The following SLC25A26 variants were observed in gnomAD, a reference collection of about 807,000 sequenced individuals.
SLC25A26 encodes mitochondrial S-adenosylmethionine carrier protein.
In SLC25A26, 36 loss-of-function variants were observed where a neutral mutation model predicts 37.8. The ratio of observed to expected loss-of-function variants is 0.95; its 90% CI spans 0.73 to 1.26. The LOEUF (loss-of-function observed/expected upper bound fraction) is 1.26. Among genes scored for constraint, SLC25A26 ranks in the 50% most tolerant of loss-of-function variants. The pLI is 0.00. For synonymous variants in SLC25A26, 129 were observed against 122.5 expected (o/e 1.05, Z -0.35); for missense variants, 390 against 331.1 (o/e 1.18, Z -1.38).
chr3:66,226,014 C>A (rs1399803656), intron 1 of SLC25A26, among the ~76,000 whole-genome samples: 1 of 152,202 alleles, frequency 6.6e-6, no homozygotes, highest in African/African-American at 2.4e-5. Context: ...TCAAACTGTT[C>A]CAACCCCTGC....
chr3:66,366,298 AC>A (rs1361023098), intron 7 of SLC25A26, among the ~76,000 whole-genome samples: 1 of 152,206 alleles, frequency 6.6e-6, no homozygotes, highest in Non-Finnish European at 1.5e-5. Flanking sequence ...CTTAAATAAA[AC>A]GTAGAAAATA....
chr3:66,241,674 A>G (rs903887096), intron 2 of SLC25A26, among the ~76,000 whole-genome samples: 1 of 152,206 alleles, frequency 6.6e-6, no homozygotes, highest in African/African-American at 2.4e-5. Flanking sequence ...CAAGTTTGAA[A>G]GAATTGGACT....
chr3:66,245,652 C>T (rs908002983), intron 3 of SLC25A26, among the ~76,000 whole-genome samples: 1 of 152,146 alleles, frequency 6.6e-6, no homozygotes, highest in Non-Finnish European at 1.5e-5. Context: ...GTTTTTGATG[C>T]ACTTTTTTTC....
At chr3:66,283,304 A>G (rs2074406479) in intron 5 of SLC25A26, among the ~76,000 whole-genome samples, 1 of 152,084 alleles carries the variant, frequency 6.6e-6, no homozygotes, top group African/African-American at 2.4e-5. Context: ...TTTTCTTGAG[A>G]CAAGGTCTCA....
chr3:66,268,679 C>G (rs1220399683), intron 5 of SLC25A26, among the ~76,000 whole-genome samples: 1 of 152,122 alleles, frequency 6.6e-6, no homozygotes, highest in African/African-American at 2.4e-5. Flanking sequence ...TGAAGGACAC[C>G]TGATATGGTT....
At chr3:66,273,693 G>A (rs968439303) in intron 5 of SLC25A26, among the ~76,000 whole-genome samples, 1 of 152,052 alleles carries the variant, frequency 6.6e-6, no homozygotes, top group South Asian at 2.1e-4. Flanking sequence ...AGCTTACAAG[G>A]GACGTGAAGG....
chr3:66,352,707 G>T (rs1005430980), intron 6 of SLC25A26, among the ~76,000 whole-genome samples: 2 of 151,900 alleles, frequency 1.3e-5, no homozygotes, highest in Non-Finnish European at 2.9e-5. Flanking sequence ...GGGATACAGT[G>T]ATGAAGAGGA....
At chr3:66,222,182 A>ATTT (rs373274771) in intron 1 of SLC25A26, among the ~76,000 whole-genome samples, 10 of 139,816 alleles carry the variant, frequency 7.2e-5, no homozygotes, top group African/African-American at 1.8e-4. Context: ...AATGTTACTG[A>ATTT]TTTTTTTTTT....
intron 5 of SLC25A26, among the ~76,000 whole-genome samples, chr3:66,291,314 A>G (rs2074698828): frequency 6.6e-6 from 1 of 151,650 alleles, no homozygotes; most frequent in South Asian, 2.1e-4. Context: ...TTTCTCCTTC[A>G]TTTCTGCTCG....
At chr3:66,208,766 G>T (rs1487546888) in intron 1 of SLC25A26, among the ~76,000 whole-genome samples, 1 of 110,200 alleles carries the variant, frequency 9.1e-6, no homozygotes, top group Non-Finnish European at 2.0e-5. Context: ...ATTTATATGG[G>T]TGTATATATA....
intron 1 of SLC25A26, among the ~76,000 whole-genome samples, chr3:66,153,148 G>A (rs1382017433): frequency 6.6e-6 from 1 of 152,040 alleles, no homozygotes; most frequent in South Asian, 2.1e-4. Context: ...TGGTCGTCAC[G>A]ACCAAAAATT....
At chr3:66,185,526 G>C (rs1340689822) in intron 1 of SLC25A26, among the ~76,000 whole-genome samples, 2 of 152,056 alleles carry the variant, frequency 1.3e-5, no homozygotes, top group African/African-American at 4.8e-5. Context: ...CAACCATATT[G>C]TTTTCCATAG....
chr3:66,144,937 T>C (rs2070093673), intron 1 of SLC25A26, among the ~76,000 whole-genome samples: 1 of 152,198 alleles, frequency 6.6e-6, no homozygotes, highest in South Asian at 2.1e-4. Flanking sequence ...GCAGTTCTCT[T>C]TGCAACTGAG....
chr3:66,277,152 A>G (rs1432096704), intron 5 of SLC25A26, among the ~76,000 whole-genome samples: 2 of 152,120 alleles, frequency 1.3e-5, no homozygotes, highest in Non-Finnish European at 2.9e-5. Context: ...GATTACTAAA[A>G]TGAATCCCTG....
At chr3:66,190,963 A>C (rs1448816276) in intron 1 of SLC25A26, among the ~76,000 whole-genome samples, 1 of 152,220 alleles carries the variant, frequency 6.6e-6, no homozygotes, top group African/African-American at 2.4e-5. Context: ...GAGTCAAATA[A>C]ATCTTAAATA....
At chr3:66,247,613 A>G (rs1325975949) in intron 3 of SLC25A26, among the ~76,000 whole-genome samples, 1 of 152,184 alleles carries the variant, frequency 6.6e-6, no homozygotes, top group Non-Finnish European at 1.5e-5. Flanking sequence ...CCCTGCCAAT[A>G]TTGACCTTAA....
At chr3:66,250,478 T>C (rs1175578967) in intron 3 of SLC25A26, among the ~76,000 whole-genome samples, 1 of 152,256 alleles carries the variant, frequency 6.6e-6, no homozygotes, top group Non-Finnish European at 1.5e-5. Context: ...TTTCAGATTT[T>C]GCATTTTGAT....
At chr3:66,190,649 A>G (rs1035907550) in intron 1 of SLC25A26, among the ~76,000 whole-genome samples, 5 of 152,030 alleles carry the variant, frequency 3.3e-5, no homozygotes, top group Non-Finnish European at 7.4e-5. Context: ...GGCTGGTCTC[A>G]AACTCCTGGC....
chr3:66,374,100 C>T (rs995938321), intron 9 of SLC25A26, among the ~76,000 whole-genome samples: 2 of 152,242 alleles, frequency 1.3e-5, no homozygotes, highest in African/African-American at 4.8e-5. Context: ...AGTCTTTTCA[C>T]TGGCATATGC....
Sources: gnomAD v4.1 joint callset for allele counts (sites outside exome capture counted in the v4.1 genomes callset) on GRCh38, gnomAD v4.1.1 for gene constraint, MANE v1.5 for transcripts, NCBI Gene and HGNC (gene_info 2026-07-23, HGNC 2026-07-21) for gene names.